The following ARMC8 variants were observed in gnomAD, a reference collection of about 807,000 sequenced individuals.
ARMC8 encodes the protein armadillo repeat-containing protein 8.
Under a neutral mutation model 99.3 loss-of-function variants are expected in ARMC8, and 20 were observed. The ratio of observed to expected loss-of-function variants is 0.20; its 90% confidence interval spans 0.14 to 0.29. The LOEUF (loss-of-function observed/expected upper bound fraction) is 0.29, where lower values mean the gene tolerates loss of function less well. Ranked by LOEUF, ARMC8 falls within the 10% of genes least tolerant of loss-of-function variation. ARMC8 has a pLI of 1.00. For missense variants in ARMC8, 569 were observed against 809.5 expected, an observed-to-expected ratio of 0.70 and a Z score of 3.60; for synonymous variants, 263 against 278.3, an observed-to-expected ratio of 0.95 and a Z score of 0.55.
intron 18 of ARMC8, among the ~76,000 whole-genome samples, chr3:138,281,851 A>G (rs1039305747): frequency 1.3e-5 from 2 of 152,146 alleles, no homozygotes; most frequent in Admixed American, 1.3e-4. Flanking sequence ...GGAGAGTCTA[A>G]AAGTGTTTAC....
intron 21 of ARMC8, among the ~76,000 whole-genome samples, chr3:138,292,459 G>A (rs2051054610): frequency 6.6e-6 from 1 of 152,220 alleles, no homozygotes; most frequent in African/African-American, 2.4e-5. Flanking sequence ...AAGGGAGTGG[G>A]GGGATTAGTA....
intron 1 of ARMC8, among the ~76,000 whole-genome samples, chr3:138,198,012 A>G (rs1389881400): frequency 1.3e-5 from 2 of 152,226 alleles, no homozygotes; most frequent in East Asian, 3.8e-4. Flanking sequence ...TACAAGGGCA[A>G]TAAGAATGCA....
intron 18 of ARMC8, among the ~76,000 whole-genome samples, chr3:138,280,971 A>G (rs1340704433): frequency 6.6e-6 from 1 of 152,092 alleles, no homozygotes; most frequent in Non-Finnish European, 1.5e-5. Flanking sequence ...TTTAAGAGGC[A>G]AGGTATATAT....
Position 138,296,678 on chromosome 3 carries a change from A to C in ARMC8, c.*786A>C, listed in dbSNP as rs992252525. ...CAGGTACAGAGCCTTTTTTCATCCT[A>C]ATTCAGTAAGTTCTCAGGCTTCCAA... On this transcript the variant is annotated 3_prime_UTR_variant, in exon 22 of 22. Coordinates refer to ENST00000469044, the MANE Select transcript of ARMC8 (RefSeq NM_001363941.2). 1.2e-4 allele frequency: 19 copies of C among 152,184 alleles called. No homozygotes were observed. The highest frequency in any genetic ancestry group is 3.6e-4 in the African/African-American group (15 of 41,438). 9.4% of individuals were successfully genotyped at this position (152,184 alleles called of 1,614,324 possible). A position where few individuals can be genotyped will look rare whatever the true frequency, so the allele number is the denominator to read the frequency against.
At chr3:138,263,876 T>G (rs939453) in intron 13 of ARMC8, 55 bp downstream of exon 13, 872,154 of 1,479,762 alleles carry the variant, frequency 0.59, 264,052 homozygotes, top group East Asian at 0.84. Flanking sequence ...TTAACCTGTT[T>G]CCTTTCTGGT....
intron 15 of ARMC8, 26 bp downstream of exon 15, chr3:138,267,267 A>G: frequency 7.1e-7 from 1 of 1,407,966 alleles, no homozygotes; most frequent in South Asian, 1.3e-5. Context: ...CTTTTCCTAG[A>G]CTTTGCCCAG....
chr3:138,244,203 C>T (rs2046769613), intron 11 of ARMC8, among the ~76,000 whole-genome samples: 1 of 152,012 alleles, frequency 6.6e-6, no homozygotes, highest in Non-Finnish European at 1.5e-5. Flanking sequence ...ATAATGGTTA[C>T]CATAGTATAC....
rs146529671 is a variant in ARMC8 at position 138,263,600 on chromosome 3, A to G, written c.1135-139A>G. 35 of 766,234 alleles carry G rather than the reference A, an allele frequency of 4.6e-5. No individual in the cohort carries two copies. The East Asian group carries it at 8.3e-4, about 18-fold the overall frequency. 47.5% of individuals were successfully genotyped at this position (766,234 alleles called of 1,614,324 possible). The stretch of plus-strand genomic sequence containing the variant: ...TGATGAGCTGCCCGCCCCCAGCGCA[A>G]GATGATTGTTTGAGAGGTAAAAACT... On this transcript the variant is annotated intron_variant, in intron 12 of 21. Transcript: ENST00000469044.
Position 138,221,970 on chromosome 3 carries a change from A to G in ARMC8, c.167A>G (p.Asn56Ser), listed in dbSNP as rs770508053. The change falls in exon 3 of 22, where the codon AAT becomes AGT. Residue 56 changes from asparagine to serine, a missense_variant. Transcript: ENST00000469044. Reference sequence around the variant, plus strand: ...ATTGGAAACAACAAGCAGAAAGCCAATCTCATTGTTTTAGGAGCTGTTCCA... The same window carrying G: ...ATTGGAAACAACAAGCAGAAAGCCAGTCTCATTGTTTTAGGAGCTGTTCCA... The part of the protein sequence containing the change: ...AVIGNNKQKA[N>S]LIVLGAVPRL... 6 of 1,613,514 alleles carry G rather than the reference A, an allele frequency of 3.7e-6. No individual in the cohort carries two copies. The highest frequency in any genetic ancestry group is 2.2e-5 in the East Asian group (1 of 44,832).
intron 12 of ARMC8, among the ~76,000 whole-genome samples, chr3:138,253,407 TAG>T (rs1285802511): frequency 6.6e-6 from 1 of 152,204 alleles, no homozygotes; most frequent in African/African-American, 2.4e-5. Context: ...TAGTAAGTAG[TAG>T]AGTCTCTGTC....
chr3:138,244,070 A>G (rs1576746494), intron 11 of ARMC8, among the ~76,000 whole-genome samples: 1 of 152,180 alleles, frequency 6.6e-6, no homozygotes, highest in East Asian at 1.9e-4. Context: ...TCAAGTTTAT[A>G]GAAGAGTTGA....
Position 138,241,957 on chromosome 3 carries a change from G to T in ARMC8, c.1012G>T (p.Val338Leu). 1 of 1,614,004 alleles carries T rather than the reference G, an allele frequency of 6.2e-7. No homozygotes were observed. The highest frequency in any genetic ancestry group is 8.5e-7 in the Non-Finnish European group (1 of 1,179,952). ...LADYFKYPSS[V>L]SAITDIKRLD... ...TGATTATTTCAAGTATCCCAGCTCA[G>T]TGAGTGCCATCACTGATATTAAAAG... is the stretch of plus-strand genomic sequence containing the variant. Residue 338 changes from valine to leucine, a missense_variant, in exon 11 of 22, where the codon GTG becomes TTG. Coordinates refer to ENST00000469044, the MANE Select transcript of ARMC8 (RefSeq NM_001363941.2).
intron 1 of ARMC8, chr3:138,188,391 T>TA (rs1559895176): frequency 8.3e-5 from 124 of 1,489,092 alleles, no homozygotes; most frequent in Admixed American, 4.5e-4. Flanking sequence ...TTTTTTTTTT[T>TA]TAAAAAAAGT....
At chr3:138,204,348 T>A (rs1401150918) in intron 1 of ARMC8, among the ~76,000 whole-genome samples, 1 of 152,172 alleles carries the variant, frequency 6.6e-6, no homozygotes, top group Non-Finnish European at 1.5e-5. Flanking sequence ...TTGTTACAGT[T>A]CTCTCCCTTC....
At chr3:138,263,848 A>C (rs1422181440) in intron 13 of ARMC8, 27 bp downstream of exon 13, 1 of 1,600,422 alleles carries the variant, frequency 6.2e-7, no homozygotes, top group Admixed American at 1.7e-5. Context: ...GTCTGAATAA[A>C]AACCTTTTGC....
chr3:138,188,376 C>CTG, intron 1 of ARMC8: 1 of 1,396,136 alleles, frequency 7.2e-7, no homozygotes, highest in Non-Finnish European at 9.6e-7. Flanking sequence ...GAAGTAAAAC[C>CTG]TGTTTTTTTT....
intron 1 of ARMC8, among the ~76,000 whole-genome samples, chr3:138,192,547 G>C (rs1424011919): frequency 1.3e-5 from 2 of 152,108 alleles, no homozygotes; most frequent in African/African-American, 4.8e-5. Flanking sequence ...AGAGTGCTGG[G>C]ATTACAGGCT....
intron 5 of ARMC8, among the ~76,000 whole-genome samples, chr3:138,227,245 G>T (rs1208188913): frequency 1.3e-5 from 2 of 152,152 alleles, no homozygotes; most frequent in Non-Finnish European, 2.9e-5. Context: ...AGGTGCAGAT[G>T]GGAAGAAATG....
chr3:138,190,264 A>AT (rs1356686249), intron 1 of ARMC8, among the ~76,000 whole-genome samples: 1 of 142,308 alleles, frequency 7.0e-6, no homozygotes, highest in Non-Finnish European at 1.5e-5. Flanking sequence ...CAGAGTTGAG[A>AT]TTCTTTATTT....
Sources: gnomAD v4.1 joint callset for allele counts (sites outside exome capture counted in the v4.1 genomes callset) on GRCh38, gnomAD v4.1.1 for gene constraint, MANE v1.5 for transcripts, NCBI Gene and HGNC (gene_info 2026-07-23, HGNC 2026-07-21) for gene names.